The following DMD variants were observed in gnomAD, a reference collection of about 807,000 sequenced individuals.
The protein encoded by DMD is dystrophin.
Under a neutral mutation model 330.1 loss-of-function variants are expected in DMD, and 63 were observed. That is an observed-to-expected ratio of 0.19 (90% confidence interval 0.16 to 0.24). The LOEUF (loss-of-function observed/expected upper bound fraction) is 0.24. DMD is among the 10% of genes least tolerant of loss of function. The pLI, the probability that DMD is intolerant of heterozygous loss-of-function variation, is 1.00. For missense variants in DMD, 3,344 were observed against 2,684.1 expected, an observed-to-expected ratio of 1.25 and a Z score of -5.43; for synonymous variants, 1,223 against 959.8, an observed-to-expected ratio of 1.27 and a Z score of -5.07.
At chrX:31,440,279 C>T (rs981806002) in intron 60 of DMD, among the ~76,000 whole-genome samples, 1 of 109,947 alleles carries the variant, frequency 9.1e-6, no homozygotes, top group African/African-American at 3.3e-5. Flanking sequence ...TCCCAAGTAG[C>T]TGATCTACAA....
chrX:31,163,823 T>G (rs1250305478), intron 74 of DMD, among the ~76,000 whole-genome samples: 1 of 111,943 alleles, frequency 8.9e-6, no homozygotes, highest in East Asian at 2.8e-4. Context: ...CTCCAGCATG[T>G]GAAAATTAGA....
chrX:32,085,648 ATGTGTG>A (rs368423016), intron 44 of DMD, among the ~76,000 whole-genome samples: 14 of 71,613 alleles, frequency 2.0e-4, no homozygotes, highest in East Asian at 4.5e-4. Flanking sequence ...ACGTATATAT[ATGTGTG>A]TATATATACG....
At chrX:32,667,129 G>A (rs1237796647) in intron 9 of DMD, among the ~76,000 whole-genome samples, 3 of 111,464 alleles carry the variant, frequency 2.7e-5, no homozygotes, top group Non-Finnish European at 5.6e-5. Flanking sequence ...CAACATGGAT[G>A]AGCCTAGAAT....
chrX:32,687,592 C>T (rs2062976699), intron 9 of DMD, among the ~76,000 whole-genome samples: 1 of 111,012 alleles, frequency 9.0e-6, no homozygotes, highest in Non-Finnish European at 1.9e-5. Flanking sequence ...GCCACATATA[C>T]ATGTTCCAGC....
At chrX:31,415,460 C>T (rs2061825975) in intron 60 of DMD, among the ~76,000 whole-genome samples, 1 of 111,897 alleles carries the variant, frequency 8.9e-6, no homozygotes, top group African/African-American at 3.2e-5. Context: ...TGACCACTAC[C>T]TGCCATTACT....
At chrX:32,350,711 CTATT>C (rs1290426787) in intron 37 of DMD, among the ~76,000 whole-genome samples, 15 of 111,102 alleles carry the variant, frequency 1.4e-4, no homozygotes, top group Non-Finnish European at 2.5e-4. Context: ...TTTCATTATG[CTATT>C]TATTTGCTGA....
intron 9 of DMD, among the ~76,000 whole-genome samples, chrX:32,661,707 G>T (rs2060959534): frequency 9.0e-6 from 1 of 111,303 alleles, no homozygotes; most frequent in African/African-American, 3.2e-5. Flanking sequence ...AGAAATTTCT[G>T]TGACCAATTT....
chrX:33,292,979 G>C (rs988286376), intron 1 of DMD, among the ~76,000 whole-genome samples: 1 of 110,680 alleles, frequency 9.0e-6, no homozygotes, highest in Non-Finnish European at 1.9e-5. Flanking sequence ...CACATGTATA[G>C]GTCTGTCTAT....
intron 48 of DMD, among the ~76,000 whole-genome samples, chrX:31,874,644 A>G (rs1333193288): frequency 9.0e-6 from 1 of 111,167 alleles, no homozygotes; most frequent in Non-Finnish European, 1.9e-5. Flanking sequence ...TGATGATGAC[A>G]AAGATTCCCT....
chrX:32,078,311 G>A (rs1474109900), intron 44 of DMD, among the ~76,000 whole-genome samples: 1 of 111,490 alleles, frequency 9.0e-6, no homozygotes, highest in African/African-American at 3.3e-5. Flanking sequence ...TCTGAAATCA[G>A]TCGCTTCAAT....
intron 44 of DMD, among the ~76,000 whole-genome samples, chrX:32,054,088 T>TGTGTGA (rs1156434219): frequency 5.7e-5 from 4 of 69,571 alleles, no homozygotes; most frequent in Non-Finnish European, 1.1e-4. Context: ...TGTGTGTGTG[T>TGTGTGA]GAGAGAGAGA....
chrX:32,397,884 T>A (rs1038059181), intron 30 of DMD, among the ~76,000 whole-genome samples: 2 of 111,017 alleles, frequency 1.8e-5, no homozygotes. Flanking sequence ...GGAGTTTCTG[T>A]GGTGTCAAAG....
intron 44 of DMD, among the ~76,000 whole-genome samples, chrX:32,201,989 C>A (rs1013992834): frequency 2.7e-5 from 3 of 111,687 alleles, no homozygotes; most frequent in African/African-American, 9.8e-5. Context: ...ATACGTATAT[C>A]CTTTTATTTC....
At chrX:32,079,351 T>C (rs1424338630) in intron 44 of DMD, among the ~76,000 whole-genome samples, 10 of 111,673 alleles carry the variant, frequency 9.0e-5, no homozygotes, top group South Asian at 7.5e-4. Flanking sequence ...TCCCAGCACT[T>C]TGGGAGGCTG....
intron 9 of DMD, among the ~76,000 whole-genome samples, chrX:32,679,111 G>C (rs768495625): frequency 2.6e-4 from 29 of 111,781 alleles, no homozygotes; most frequent in Admixed American, 2.4e-3. Context: ...CTAATTATCT[G>C]AGTGATTAAT....
intron 48 of DMD, among the ~76,000 whole-genome samples, chrX:31,858,801 GT>G (rs2093655922): frequency 9.0e-6 from 1 of 110,692 alleles, no homozygotes; most frequent in African/African-American, 3.3e-5. Flanking sequence ...TCTTGCTTTT[GT>G]TTTTCCTCAC....
intron 2 of DMD, among the ~76,000 whole-genome samples, chrX:33,000,929 C>G (rs6631703): frequency 0.38 from 41,438 of 109,868 alleles, 6,189 homozygotes; most frequent in East Asian, 0.48. Flanking sequence ...CTACATCTAC[C>G]ATTCATTTCT....
rs2098315118 is a variant in DMD, at chrX:32,448,589, G to T, written c.3653C>A (p.Thr1218Asn). ...QQKEAKVKLL[T>N]ESVNSVIAQA... ...AGCTATGACACTATTTACAGACTCA[G>T]TAAGGAGTTTCACTTTCGCTTCTTT... is the stretch of plus-strand genomic sequence containing the variant. Residue 1218 changes from threonine (T) to asparagine (N), a missense_variant, in exon 27 of 79, where the codon ACT (threonine) becomes AAT (asparagine). By Grantham distance (65) the Thr-to-Asn change is moderately conservative. Coordinates refer to ENST00000357033, the MANE Select transcript of DMD (RefSeq NM_004006.3). The T allele has an allele frequency of 1.7e-6, 2 of 1,208,331 alleles. No homozygotes were observed. Among genetic ancestry groups the T allele is most frequent in the Non-Finnish European group, 2.2e-6 (2 of 893,272 alleles).
intron 29 of DMD, among the ~76,000 whole-genome samples, chrX:32,423,474 A>G (rs1236485543): frequency 3.6e-5 from 4 of 110,619 alleles, no homozygotes; most frequent in Non-Finnish European, 7.6e-5. Flanking sequence ...ATGTGCTTAT[A>G]TACATGTATA....
Sources: allele counts gnomAD v4.1 joint callset (sites outside exome capture counted in the v4.1 genomes callset), GRCh38; gene constraint gnomAD v4.1.1; transcripts MANE v1.5; gene names NCBI Gene and HGNC (gene_info 2026-07-23, HGNC 2026-07-21).